Variants in ATP8A2 observed in about 807,000 individuals in gnomAD.
The protein encoded by ATP8A2 is phospholipid-transporting ATPase IB.
In ATP8A2, 100 loss-of-function variants were observed where a neutral mutation model predicts 165.6. The observed-to-expected ratio is 0.60, with a 90% CI of 0.51 to 0.71. The LOEUF (loss-of-function observed/expected upper bound fraction) is 0.71, where lower values mean the gene tolerates loss of function less well. ATP8A2 is among the 30% of genes least tolerant of loss of function. The probability of loss-of-function intolerance (pLI) is 0.00; values close to 1 mark genes in which losing one functional copy is unlikely to be tolerated. For missense variants in ATP8A2, 1,227 were observed against 1,479.5 expected, an observed-to-expected ratio of 0.83 and a Z score of 2.80; for synonymous variants, 543 against 548.8, an observed-to-expected ratio of 0.99 and a Z score of 0.15.
intron 24 of ATP8A2, among the ~76,000 whole-genome samples, chr13:25,625,724 G>A (rs990889909): frequency 2.0e-5 from 3 of 152,220 alleles, no homozygotes; most frequent in Admixed American, 6.5e-5. Context: ...GTTACTGCAA[G>A]TTTTGTGTTG....
intron 33 of ATP8A2, among the ~76,000 whole-genome samples, chr13:25,949,704 G>A (rs1955302180): frequency 6.6e-6 from 1 of 152,194 alleles, no homozygotes; most frequent in African/African-American, 2.4e-5. Flanking sequence ...GCTCCAGCTG[G>A]ACAATTGCCC....
At chr13:25,447,584 G>C (rs998567630) in intron 1 of ATP8A2, among the ~76,000 whole-genome samples, 1 of 152,160 alleles carries the variant, frequency 6.6e-6, no homozygotes, top group Non-Finnish European at 1.5e-5. Context: ...CAGTGTCTAG[G>C]GGTTGTCTGC....
At chr13:25,892,559 T>C (rs1289765370) in intron 33 of ATP8A2, among the ~76,000 whole-genome samples, 1 of 143,588 alleles carries the variant, frequency 7.0e-6, no homozygotes, top group Non-Finnish European at 1.5e-5. Context: ...CAAAAGGCAA[T>C]GGAAACAACA....
At chr13:25,512,272 G>C (rs2037253568) in intron 2 of ATP8A2, among the ~76,000 whole-genome samples, 1 of 152,218 alleles carries the variant, frequency 6.6e-6, no homozygotes, top group African/African-American at 2.4e-5. Context: ...AGTCTCCCAT[G>C]TCTACCTCTT....
At chr13:25,569,970 T>A (rs931555310) in intron 16 of ATP8A2, among the ~76,000 whole-genome samples, 1 of 152,184 alleles carries the variant, frequency 6.6e-6, no homozygotes, top group Non-Finnish European at 1.5e-5. Context: ...TTTTAATACA[T>A]AGGAAGACAC....
chr13:25,813,139 T>G (rs1174313898), intron 27 of ATP8A2, among the ~76,000 whole-genome samples: 1 of 151,930 alleles, frequency 6.6e-6, no homozygotes, highest in African/African-American at 2.4e-5. Context: ...GGTTGACAGG[T>G]GCAGCAAACC....
chr13:25,821,040 G>T (rs531447318), intron 27 of ATP8A2, among the ~76,000 whole-genome samples: 78 of 151,852 alleles, frequency 5.1e-4, no homozygotes, highest in African/African-American at 1.9e-3. Context: ...GATTGAAATT[G>T]AATTGAAAAT....
At chr13:25,720,052 A>C (rs936032352) in intron 25 of ATP8A2, among the ~76,000 whole-genome samples, 2 of 151,826 alleles carry the variant, frequency 1.3e-5, no homozygotes, top group African/African-American at 4.8e-5. Context: ...CTATTCTTCA[A>C]GTCTCTCTCC....
intron 27 of ATP8A2, among the ~76,000 whole-genome samples, chr13:25,827,763 T>G (rs933638245): frequency 3.9e-5 from 6 of 152,250 alleles, no homozygotes; most frequent in Non-Finnish European, 7.3e-5. Flanking sequence ...CACATCGTAT[T>G]TCTCAAATCA....
chr13:26,007,488 G>T (rs1425062291), intron 35 of ATP8A2, among the ~76,000 whole-genome samples: 2 of 152,186 alleles, frequency 1.3e-5, no homozygotes, highest in Non-Finnish European at 2.9e-5. Context: ...ACTCTGCAAA[G>T]AATAGTTCTG....
At chr13:25,524,114 A>G (rs1301344958) in intron 2 of ATP8A2, among the ~76,000 whole-genome samples, 1 of 152,008 alleles carries the variant, frequency 6.6e-6, no homozygotes, top group East Asian at 1.9e-4. Context: ...TTCTTCATTG[A>G]CCTATCAGTT....
chr13:25,631,158 T>G (rs2041231427), intron 24 of ATP8A2, among the ~76,000 whole-genome samples: 1 of 152,160 alleles, frequency 6.6e-6, no homozygotes, highest in African/African-American at 2.4e-5. Flanking sequence ...ATACCTGTGG[T>G]TTTTGCAGGG....
chr13:25,552,192 G>T (rs2138060517), intron 11 of ATP8A2, among the ~76,000 whole-genome samples: 1 of 152,172 alleles, frequency 6.6e-6, no homozygotes, highest in African/African-American at 2.4e-5. Context: ...TCACCATGTT[G>T]GACAGGCTAG....
At chr13:25,937,942 T>C (rs953913944) in intron 33 of ATP8A2, among the ~76,000 whole-genome samples, 1 of 151,498 alleles carries the variant, frequency 6.6e-6, no homozygotes. Flanking sequence ...ATTTATATAT[T>C]AATCCAGCTT....
chr13:25,477,080 T>C (rs995831484), intron 2 of ATP8A2, among the ~76,000 whole-genome samples: 1 of 152,204 alleles, frequency 6.6e-6, no homozygotes, highest in Non-Finnish European at 1.5e-5. Context: ...AGTTTTATAT[T>C]TGGTGTTTCT....
chr13:25,818,436 T>C (rs1256201395), intron 27 of ATP8A2, among the ~76,000 whole-genome samples: 2 of 152,242 alleles, frequency 1.3e-5, no homozygotes, highest in Non-Finnish European at 2.9e-5. Context: ...AAATTACTTT[T>C]AAATAAGTAG....
intron 19 of ATP8A2, 58 bp downstream of exon 19, chr13:25,574,915 T>A: frequency 2.1e-6 from 2 of 973,108 alleles, no homozygotes; most frequent in Non-Finnish European, 3.2e-6. Context: ...ACCAGCTTCA[T>A]CAGAGTGTTT....
intron 33 of ATP8A2, among the ~76,000 whole-genome samples, chr13:25,952,435 C>T (rs1247836961): frequency 1.3e-5 from 2 of 151,554 alleles, no homozygotes; most frequent in African/African-American, 4.9e-5. Flanking sequence ...AACTGGAGTG[C>T]AGTGGCACAA....
intron 11 of ATP8A2, among the ~76,000 whole-genome samples, chr13:25,552,009 C>T (rs191955830): frequency 9.2e-5 from 14 of 152,210 alleles, no homozygotes; most frequent in Non-Finnish European, 1.6e-4. Flanking sequence ...TGTTTTGAGA[C>T]GGAGTCTTGC....
Sources: allele counts gnomAD v4.1 joint callset (sites outside exome capture counted in the v4.1 genomes callset), GRCh38; gene constraint gnomAD v4.1.1; transcripts MANE v1.5; gene names NCBI Gene and HGNC (gene_info 2026-07-23, HGNC 2026-07-21).